Variants in STX18 observed in about 807,000 individuals in gnomAD.
The protein encoded by STX18 is syntaxin-18.
A neutral mutation model predicts 50.1 loss-of-function variants in STX18; 40 were observed. The observed-to-expected ratio is 0.80, with a 90% CI of 0.62 to 1.04. The LOEUF (loss-of-function observed/expected upper bound fraction) is 1.04. STX18 is among the 50% of genes least tolerant of loss of function. The pLI is 0.00. For synonymous variants in STX18, 158 were observed against 151.8 expected (o/e 1.04, Z -0.30); for missense variants, 410 against 415.8 (o/e 0.99, Z 0.12).
chr4:4,479,502 G>A (rs1274997291), intron 1 of STX18, among the ~76,000 whole-genome samples: 1 of 152,116 alleles, frequency 6.6e-6, no homozygotes, highest in Non-Finnish European at 1.5e-5. Context: ...GGCCAGCACA[G>A]AACTAACAGC....
rs559394072 is a variant in STX18, at chr4:4,421,053, T to C, written c.832-109A>G. The C allele has an allele frequency of 2.6e-6, 3 of 1,157,370 alleles. No individual in the cohort carries two copies. In the African/African-American group the frequency reaches 4.6e-5, roughly 18 times the overall value. The allele number at this position is 1,157,370 out of a possible 1,614,324, so 71.7% of individuals were successfully genotyped here. ...GAGTGTCATGTCAGCGCTCAGAAAGTTTCAGATTTTGGAGCACTTAGGACT... is the reference window on the plus strand; with the variant it reads ...GAGTGTCATGTCAGCGCTCAGAAAGCTTCAGATTTTGGAGCACTTAGGACT... On this transcript the variant is annotated intron_variant, in intron 9 of 10. Coordinates refer to ENST00000306200, the MANE Select transcript of STX18 (RefSeq NM_016930.4).
intron 7 of STX18, among the ~76,000 whole-genome samples, chr4:4,429,244 G>A (rs13150601): frequency 0.037 from 5,569 of 152,242 alleles, 112 homozygotes; most frequent in Non-Finnish European, 0.046. Context: ...TGTCACATGC[G>A]CATTAGACAA....
At chr4:4,438,861 C>T (rs944675566) in intron 5 of STX18, among the ~76,000 whole-genome samples, 2 of 151,656 alleles carry the variant, frequency 1.3e-5, no homozygotes, top group African/African-American at 2.4e-5. Context: ...CAGTAGTTGA[C>T]ACTAATGCAA....
At chr4:4,484,013 C>A (rs560881018) in intron 1 of STX18, among the ~76,000 whole-genome samples, 1 of 152,174 alleles carries the variant, frequency 6.6e-6, no homozygotes, top group Non-Finnish European at 1.5e-5. Flanking sequence ...AGGTGCGTGC[C>A]ACCATGCCCA....
Position 4,535,237 on chromosome 4 carries a change from C to T in STX18, c.168+6560G>A, listed in dbSNP as rs1393443919. Among the ~76,000 whole-genome samples the T allele has an allele frequency of 2.0e-5, 3 of 151,886 alleles. No homozygotes were observed. The East Asian group carries it at 5.8e-4, about 29-fold the overall frequency. On this transcript the variant is annotated intron_variant, in intron 1 of 10. Transcript: ENST00000306200. ...ATATGCCTCATAGTTTTTTTATGGC[C>T]CCACAATGCCTGACACACCAGATGT...
chr4:4,460,984 C>T lies in STX18; in HGVS notation c.237-1497G>A, dbSNP rs746366734. 4.6e-5 allele frequency among the ~76,000 whole-genome samples: 7 copies of T among 152,078 alleles called. No homozygotes were observed. The South Asian group carries it at 6.2e-4, about 14-fold the overall frequency. The stretch of plus-strand genomic sequence containing the variant: ...CCTTCTCATCGGAAATAGAGGCTAA[C>T]GGGGTCAGGGACAAATGAGTCAGAA... On this transcript the variant is annotated intron_variant, in intron 2 of 10. Coordinates refer to ENST00000306200, the MANE Select transcript of STX18 (RefSeq NM_016930.4).
chr4:4,506,436 G>C (rs1388146388), intron 1 of STX18, among the ~76,000 whole-genome samples: 1 of 152,200 alleles, frequency 6.6e-6, no homozygotes, highest in African/African-American at 2.4e-5. Flanking sequence ...CAGTTTCAAA[G>C]GGTATATATG....
At chr4:4,465,880 G>A (rs1251285295) in intron 2 of STX18, among the ~76,000 whole-genome samples, 1 of 152,212 alleles carries the variant, frequency 6.6e-6, no homozygotes, top group East Asian at 1.9e-4. Flanking sequence ...GGACAACCAT[G>A]TTTGTGTTTG....
chr4:4,425,093 TA>T, intron 8 of STX18, 70 bp downstream of exon 8: 1 of 1,421,740 alleles, frequency 7.0e-7, no homozygotes, highest in Non-Finnish European at 9.9e-7. Flanking sequence ...GGCACCAAGG[TA>T]AATAAAGTTC....
intron 5 of STX18, 112 bp downstream of exon 5, chr4:4,457,079 C>A (rs965336140): frequency 9.9e-7 from 1 of 1,011,048 alleles, no homozygotes; most frequent in African/African-American, 1.6e-5. Flanking sequence ...TGGCATTTTG[C>A]GAAGAAGTTC....
intron 3 of STX18, among the ~76,000 whole-genome samples, chr4:4,458,450 C>T (rs1379967684): frequency 6.6e-6 from 1 of 152,178 alleles, no homozygotes; most frequent in South Asian, 2.1e-4. Flanking sequence ...ATGCCTATTG[C>T]TTCCATCAGA....
chr4:4,507,442 T>G, intron 1 of STX18: 10 of 760,186 alleles, frequency 1.3e-5, no homozygotes, highest in Non-Finnish European at 2.5e-5. Flanking sequence ...CCGGCTAGTA[T>G]GCGAACTGGA....
At chr4:4,519,795 T>C (rs1389860129) in intron 1 of STX18, among the ~76,000 whole-genome samples, 1 of 152,140 alleles carries the variant, frequency 6.6e-6, no homozygotes, top group Non-Finnish European at 1.5e-5. Flanking sequence ...CTTTTCTAAC[T>C]TAAAGGTGGA....
intron 1 of STX18, among the ~76,000 whole-genome samples, chr4:4,534,588 T>C (rs762452027): frequency 6.6e-6 from 1 of 152,256 alleles, no homozygotes; most frequent in Non-Finnish European, 1.5e-5. Context: ...GCTCTCCATG[T>C]CAGTCTTGTT....
At chr4:4,514,726 C>T (rs764819024) in intron 1 of STX18, among the ~76,000 whole-genome samples, 4 of 151,888 alleles carry the variant, frequency 2.6e-5, no homozygotes, top group Admixed American at 1.3e-4. Flanking sequence ...AAAGGAGGTA[C>T]CCATACATTA....
At chr4:4,474,461 C>G (rs561310947) in intron 1 of STX18, among the ~76,000 whole-genome samples, 1 of 152,270 alleles carries the variant, frequency 6.6e-6, no homozygotes, top group African/African-American at 2.4e-5. Flanking sequence ...CCAGCTTCCC[C>G]AGGCCCATCC....
intron 9 of STX18, 51 bp downstream of exon 9, chr4:4,423,467 A>G: frequency 1.3e-6 from 2 of 1,569,602 alleles, no homozygotes; most frequent in African/African-American, 1.3e-5. Context: ...GCTCTCAAGT[A>G]CATTCCCCTT....
At chr4:4,502,354 G>C (rs1560197023) in intron 1 of STX18, among the ~76,000 whole-genome samples, 1 of 152,146 alleles carries the variant, frequency 6.6e-6, no homozygotes, top group Non-Finnish European at 1.5e-5. Context: ...CAGAGAAAAA[G>C]AATTTAGGGA....
At chr4:4,475,994 A>G (rs1474399546) in intron 1 of STX18, 4 of 152,200 alleles carry the variant, frequency 2.6e-5, no homozygotes, top group Non-Finnish European at 5.9e-5. Flanking sequence ...TAAAGTAGGA[A>G]TAAGTATATA....
Sources: allele counts gnomAD v4.1 joint callset (sites outside exome capture counted in the v4.1 genomes callset), GRCh38; gene constraint gnomAD v4.1.1; transcripts MANE v1.5; gene names NCBI Gene and HGNC (gene_info 2026-07-23, HGNC 2026-07-21).